The following RNF157 variants were observed in gnomAD, a reference collection of about 807,000 sequenced individuals.
The protein encoded by RNF157 is E3 ubiquitin ligase RNF157.
Under a neutral mutation model 88.3 loss-of-function variants are expected in RNF157, and 55 were observed. The observed-to-expected ratio is 0.62, with a 90% CI of 0.50 to 0.78. The LOEUF (loss-of-function observed/expected upper bound fraction) is 0.78, where lower values mean the gene tolerates loss of function less well. RNF157 is among the 30% of genes least tolerant of loss of function. The pLI, the probability that RNF157 is intolerant of heterozygous loss-of-function variation, is 0.00. For synonymous variants in RNF157, 334 were observed against 341.2 expected, an observed-to-expected ratio of 0.98 and a Z score of 0.23; for missense variants, 788 against 860.8, an observed-to-expected ratio of 0.92 and a Z score of 1.06.
chr17:76,166,576 T>C, intron 5 of RNF157, 49 bp from the exon 6 acceptor site: 2 of 1,429,678 alleles, frequency 1.4e-6, no homozygotes, highest in Non-Finnish European at 2.0e-6. Context: ...TTAACACATT[T>C]ACATGGCACA....
At chr17:76,169,128 A>G (rs548005260) in intron 3 of RNF157, among the ~76,000 whole-genome samples, 22 of 151,508 alleles carry the variant, frequency 1.5e-4, no homozygotes, top group Middle Eastern at 3.4e-3. Flanking sequence ...TCTCTGTAGA[A>G]CCCGTTAGTT....
chr17:76,232,342 C>A (rs751178761), intron 1 of RNF157, among the ~76,000 whole-genome samples: 1 of 151,760 alleles, frequency 6.6e-6, no homozygotes, highest in Non-Finnish European at 1.5e-5. Flanking sequence ...GAGCTATGAT[C>A]GCACCACTGC....
chr17:76,209,079 T>A (rs948314924), intron 2 of RNF157, among the ~76,000 whole-genome samples: 11 of 151,534 alleles, frequency 7.3e-5, no homozygotes, highest in Non-Finnish European at 1.5e-4. Flanking sequence ...TTTTTTTTTT[T>A]AAGTGGCATT....
chr17:76,212,372 G>C lies in RNF157; in HGVS notation c.199C>G (p.Pro67Ala). Residue 67 changes from proline to alanine, a missense_variant, in exon 2 of 19, where the codon CCA becomes GCA. Physicochemically the swap from Pro to Ala is conservative, Grantham distance 27. Transcript: ENST00000269391. ...ACTGATTACAGCCATACCACAACTG[G>C]TCTGTTCCCCAGAAAGTTCAGATCG... The part of the protein sequence containing the change: ...NSDLNFLGNR[P>A]VVFPYAAPPP... 1 of 1,608,088 alleles carries C rather than the reference G, an allele frequency of 6.2e-7. No individual in the cohort carries two copies. Among genetic ancestry groups the C allele is most frequent in the Non-Finnish European group, 8.5e-7 (1 of 1,174,548 alleles).
chr17:76,197,583 A>G (rs2069498722), intron 2 of RNF157, among the ~76,000 whole-genome samples: 1 of 152,166 alleles, frequency 6.6e-6, no homozygotes, highest in Non-Finnish European at 1.5e-5. Context: ...TTATTAATTT[A>G]TTTGAGATAG....
chr17:76,168,894 T>C (rs2068969623), intron 3 of RNF157, among the ~76,000 whole-genome samples: 1 of 152,212 alleles, frequency 6.6e-6, no homozygotes, highest in Non-Finnish European at 1.5e-5. Flanking sequence ...ACTGAAAGCC[T>C]TTTCACTGCC....
At chr17:76,232,624 T>C (rs543825415) in intron 1 of RNF157, among the ~76,000 whole-genome samples, 83 of 152,360 alleles carry the variant, frequency 5.4e-4, no homozygotes, top group African/African-American at 1.9e-3. Flanking sequence ...GGAGTGGAAC[T>C]GCTGAATCAT....
rs920369672 is a variant in RNF157 at position 76,154,186 on chromosome 17, GCCA to G, written c.1810+94_1810+96del. 1.7e-5 allele frequency: 15 copies of G among 867,022 alleles called. No homozygotes were observed. The Middle Eastern group carries it at 1.2e-3, about 68-fold the overall frequency. The allele number at this position is 867,022 out of a possible 1,614,324, so 53.7% of individuals were successfully genotyped here. ...TAACAGCCCCATACAACTGAGCAGC[GCCA>G]CCACGTCATACCGGTACCCTTTTCT... On this transcript the variant is annotated intron_variant, in intron 17 of 18. Coordinates refer to ENST00000269391, the MANE Select transcript of RNF157 (RefSeq NM_052916.3).
chr17:76,178,268 C>G (rs978566942), intron 2 of RNF157, among the ~76,000 whole-genome samples: 1 of 152,252 alleles, frequency 6.6e-6, no homozygotes, highest in Non-Finnish European at 1.5e-5. Context: ...TTCCTGGCAT[C>G]TCCAAGCTTC....
intron 2 of RNF157, among the ~76,000 whole-genome samples, chr17:76,174,502 T>A (rs2069072486): frequency 6.6e-6 from 1 of 152,222 alleles, no homozygotes; most frequent in South Asian, 2.1e-4. Flanking sequence ...TCACTGGGAA[T>A]TGCCTTCTGA....
At chr17:76,202,115 C>T (rs999519591) in intron 2 of RNF157, among the ~76,000 whole-genome samples, 1 of 134,302 alleles carries the variant, frequency 7.4e-6, no homozygotes, top group African/African-American at 3.3e-5. Flanking sequence ...CTCAGTTTCT[C>T]TCTCTCTCTC....
rs148808636 is a variant in RNF157, at chr17:76,157,266, A to T, written c.1414-945T>A. Among the ~76,000 whole-genome samples, 604 of 152,322 alleles carry T rather than the reference A, an allele frequency of 4.0e-3. 1 individual carries two copies. The highest frequency in any genetic ancestry group is 0.013 in the African/African-American group (539 of 41,580). On this transcript the variant is annotated intron_variant, in intron 13 of 18. Transcript: ENST00000269391. This position sits in a 1 kb window ranked among gnomAD's most constrained non-coding sequence, Gnocchi z 5.6. ...CAGGCGTGAGCCTCCGCGCCCGGCCAGTCACACAGTCCTTCTTGCCTGGGC... is the reference window on the plus strand; with the variant it reads ...CAGGCGTGAGCCTCCGCGCCCGGCCTGTCACACAGTCCTTCTTGCCTGGGC...
chr17:76,163,003 C>A, intron 8 of RNF157: 2 of 157,578 alleles, frequency 1.3e-5, no homozygotes, highest in Non-Finnish European at 2.8e-5. Flanking sequence ...AGACATTATA[C>A]AAATAAAGGA....
intron 2 of RNF157, among the ~76,000 whole-genome samples, chr17:76,179,583 C>T (rs1280449602): frequency 6.6e-6 from 1 of 152,022 alleles, no homozygotes; most frequent in Non-Finnish European, 1.5e-5. Flanking sequence ...GTCCCAGCTA[C>T]TAGGGAGGCT....
At chr17:76,214,838 T>G (rs1244198539) in intron 1 of RNF157, among the ~76,000 whole-genome samples, 2 of 152,124 alleles carry the variant, frequency 1.3e-5, no homozygotes, top group African/African-American at 4.8e-5. Flanking sequence ...CAAGGAACTG[T>G]GACAGGATAT....
intron 1 of RNF157, among the ~76,000 whole-genome samples, chr17:76,227,596 G>A (rs941579599): frequency 6.6e-6 from 1 of 152,042 alleles, no homozygotes; most frequent in Non-Finnish European, 1.5e-5. Flanking sequence ...AAGAGGTAGT[G>A]GCCCGGCATG....
At chr17:76,193,549 C>A (rs543922413) in intron 2 of RNF157, among the ~76,000 whole-genome samples, 2 of 152,038 alleles carry the variant, frequency 1.3e-5, no homozygotes, top group Admixed American at 6.5e-5. Flanking sequence ...CACCACCCCC[C>A]ACCCACGGAC....
At chr17:76,219,333 A>C (rs2069942416) in intron 1 of RNF157, among the ~76,000 whole-genome samples, 1 of 151,890 alleles carries the variant, frequency 6.6e-6, no homozygotes, top group African/African-American at 2.4e-5. Context: ...ATACATATAA[A>C]TATAACATAA....
chr17:76,206,729 C>CAA (rs2069687872), intron 2 of RNF157, among the ~76,000 whole-genome samples: 1 of 152,150 alleles, frequency 6.6e-6, no homozygotes, highest in South Asian at 2.1e-4. Flanking sequence ...CGGCTCACTG[C>CAA]AATCGGCTCA....
Sources: gnomAD v4.1 joint callset for allele counts (sites outside exome capture counted in the v4.1 genomes callset) on GRCh38, gnomAD v4.1.1 for gene constraint, Gnocchi (gnomAD v3.1) non-coding constraint, MANE v1.5 for transcripts, NCBI Gene and HGNC (gene_info 2026-07-23, HGNC 2026-07-21) for gene names.